ADAM22: variants seen among roughly 807,000 people sequenced by gnomAD.
The protein encoded by ADAM22 is ADAM metallopeptidase domain 22, also known as disintegrin and metalloproteinase domain-containing protein 22.
Under a neutral mutation model 144.6 loss-of-function variants are expected in ADAM22, and 65 were observed. The ratio of observed to expected loss-of-function variants is 0.45; its 90% CI spans 0.37 to 0.55. ADAM22 has a LOEUF of 0.55. ADAM22 is among the 20% of genes least tolerant of loss of function. The pLI is 0.00. For synonymous variants in ADAM22, 391 were observed against 412.6 expected, an observed-to-expected ratio of 0.95 and a Z score of 0.63; for missense variants, 974 against 1,184.9, an observed-to-expected ratio of 0.82 and a Z score of 2.61.
At chr7:88,195,760 G>A (rs533274407) in intron 31 of ADAM22, among the ~76,000 whole-genome samples, 1 of 151,902 alleles carries the variant, frequency 6.6e-6, no homozygotes, top group African/African-American at 2.4e-5. Flanking sequence ...CTCGTGATCT[G>A]CCCATCTCGG....
chr7:88,115,801 G>A (rs1415232988), intron 6 of ADAM22, among the ~76,000 whole-genome samples: 1 of 151,990 alleles, frequency 6.6e-6, no homozygotes, highest in Non-Finnish European at 1.5e-5. Context: ...TGCTTTTAAG[G>A]CTCTATGCTG....
intron 2 of ADAM22, among the ~76,000 whole-genome samples, chr7:87,947,021 A>C (rs1015175366): frequency 9.9e-5 from 15 of 152,170 alleles, no homozygotes; most frequent in Non-Finnish European, 1.9e-4. Context: ...ATGGACATCA[A>C]AATGGCAATG....
At chr7:88,191,532 A>G (rs983630991) in intron 30 of ADAM22, among the ~76,000 whole-genome samples, 3 of 152,240 alleles carry the variant, frequency 2.0e-5, no homozygotes, top group Non-Finnish European at 4.4e-5. Context: ...ATGCATTTAA[A>G]TATCTAAATG....
At chr7:88,096,915 A>G (rs1441024501) in intron 4 of ADAM22, among the ~76,000 whole-genome samples, 1 of 152,160 alleles carries the variant, frequency 6.6e-6, no homozygotes, top group Non-Finnish European at 1.5e-5. Context: ...TTCATTAGAT[A>G]CAACCTTAAA....
intron 2 of ADAM22, among the ~76,000 whole-genome samples, chr7:87,955,237 G>A (rs559271214): frequency 6.6e-6 from 1 of 152,128 alleles, no homozygotes; most frequent in Non-Finnish European, 1.5e-5. Flanking sequence ...CCATTTTTCT[G>A]CTCTGTTTTT....
At position 88,024,967 on chromosome 7, in the gene ADAM22, T is replaced by G. The variant is rs953636668; in HGVS notation, c.323+46555T>G. Among the ~76,000 whole-genome samples the G allele has an allele frequency of 2.9e-4, 44 of 152,264 alleles. 1 individual carries two copies. The highest frequency in any genetic ancestry group is 5.2e-4 in the Admixed American group (8 of 15,300). Reference sequence around the variant, plus strand: ...AGTCTATCATTGTTGGACATTTGGGTTGGTTCCAATTCTTTGCTATTGTGA... The same window carrying G: ...AGTCTATCATTGTTGGACATTTGGGGTGGTTCCAATTCTTTGCTATTGTGA... On this transcript the variant is annotated intron_variant, in intron 3 of 31. Transcript: ENST00000413139.
intron 31 of ADAM22, among the ~76,000 whole-genome samples, chr7:88,193,838 C>T (rs1244214295): frequency 2.6e-5 from 4 of 152,192 alleles, no homozygotes. Flanking sequence ...TCTCTTTGAT[C>T]CCAAACCTAA....
chr7:88,025,385 CCCATTTGT>C (rs538915591), intron 3 of ADAM22, among the ~76,000 whole-genome samples: 4 of 152,088 alleles, frequency 2.6e-5, no homozygotes, highest in Admixed American at 6.6e-5. Context: ...TTAATGTGAT[CCCATTTGT>C]CCATTTTTGC....
intron 31 of ADAM22, among the ~76,000 whole-genome samples, chr7:88,194,297 G>A (rs939692257): frequency 1.3e-5 from 2 of 152,172 alleles, no homozygotes; most frequent in Non-Finnish European, 2.9e-5. Context: ...TACCACACAA[G>A]AGCCTGTAAA....
intron 3 of ADAM22, among the ~76,000 whole-genome samples, chr7:87,983,400 C>T (rs772370848): frequency 4.7e-4 from 72 of 152,020 alleles, no homozygotes; most frequent in Non-Finnish European, 7.9e-4. Flanking sequence ...GAGTATTTTC[C>T]TAGGAATTGT....
At chr7:88,149,118 C>G in intron 18 of ADAM22, 61 bp downstream of exon 18, 1 of 1,138,688 alleles carries the variant, frequency 8.8e-7, no homozygotes, top group Non-Finnish European at 1.3e-6. Flanking sequence ...CTTTAGTGCA[C>G]TGACCCTCAA....
chr7:88,171,191 A>G (rs1269772791), intron 25 of ADAM22, among the ~76,000 whole-genome samples: 2 of 151,980 alleles, frequency 1.3e-5, no homozygotes, highest in African/African-American at 4.8e-5. Context: ...AACTTGATTC[A>G]TTAATTTCAT....
At position 88,200,808 on chromosome 7, in the gene ADAM22, C is replaced by G. The variant is rs1430646762; in HGVS notation, c.*4317C>G. Reference sequence around the variant, plus strand: ...ATGTTTTTGAATGGATAAGACTACTCTGGTTTTGGATGCAGCAACTTTTCT... The same window carrying G: ...ATGTTTTTGAATGGATAAGACTACTGTGGTTTTGGATGCAGCAACTTTTCT... On this transcript the variant is annotated 3_prime_UTR_variant, in exon 32 of 32. Coordinates refer to ENST00000413139, the MANE Select transcript of ADAM22 (RefSeq NM_001324418.2). The G allele has an allele frequency of 6.6e-6, 1 of 152,240 alleles. No homozygotes were observed. Among genetic ancestry groups the G allele is most frequent in the Non-Finnish European group, 1.5e-5 (1 of 68,096 alleles). The allele number at this position is 152,240 out of a possible 1,614,324, so 9.4% of individuals were successfully genotyped here.
At chr7:88,161,865 T>C (rs1841739406) in intron 22 of ADAM22, among the ~76,000 whole-genome samples, 2 of 151,978 alleles carry the variant, frequency 1.3e-5, no homozygotes, top group South Asian at 2.1e-4. Flanking sequence ...GGTGGGAGTG[T>C]AAATTAGTTT....
intron 24 of ADAM22, among the ~76,000 whole-genome samples, chr7:88,167,234 G>A (rs1843164887): frequency 2.0e-5 from 3 of 152,150 alleles, no homozygotes; most frequent in Non-Finnish European, 4.4e-5. Flanking sequence ...TAACCATGTG[G>A]CACAAATCAT....
intron 17 of ADAM22, among the ~76,000 whole-genome samples, chr7:88,148,619 C>T (rs1837312811): frequency 6.6e-6 from 1 of 151,718 alleles, no homozygotes. Flanking sequence ...GTAGATAAGG[C>T]AGAAAAGGAT....
rs376804868 is a variant in ADAM22, at chr7:88,136,008, C to T, written c.1197C>T (p.Ser399=). ...AATGTAAATGCGAGGACACGTGGTC[C>T]GGGTGCATAATGGGAGACACTGGGT... ...SGECKCEDTW[S]GCIMGDTGYY... Residue 399 remains serine, a synonymous_variant, in exon 14 of 32, where the codon TCC becomes TCT. Transcript: ENST00000413139. The T allele has an allele frequency of 1.9e-4, 307 of 1,611,476 alleles. No individual in the cohort carries two copies. Among genetic ancestry groups the T allele is most frequent in the Non-Finnish European group, 2.4e-4 (283 of 1,178,606 alleles).
intron 30 of ADAM22, among the ~76,000 whole-genome samples, chr7:88,188,428 G>A (rs1345978711): frequency 6.6e-6 from 1 of 152,154 alleles, no homozygotes; most frequent in Admixed American, 6.5e-5. Context: ...AAACTGCAAG[G>A]ACAATTTTAG....
chr7:88,089,521 A>G (rs909418604), intron 4 of ADAM22, among the ~76,000 whole-genome samples: 7 of 152,152 alleles, frequency 4.6e-5, no homozygotes, highest in African/African-American at 7.2e-5. Flanking sequence ...CTTTTCCAAT[A>G]GAGCAACTCA....
Sources: gnomAD v4.1 joint callset for allele counts (sites outside exome capture counted in the v4.1 genomes callset) on GRCh38, gnomAD v4.1.1 for gene constraint, MANE v1.5 for transcripts, NCBI Gene and HGNC (gene_info 2026-07-23, HGNC 2026-07-21) for gene names.